NOL4L: variants seen among roughly 807,000 people sequenced by gnomAD.
The protein encoded by NOL4L is nucleolar protein 4-like.
In NOL4L, 7 loss-of-function variants were observed where a neutral mutation model predicts 64.5. The ratio of observed to expected loss-of-function variants is 0.11; its 90% confidence interval spans 0.06 to 0.20. NOL4L has a LOEUF of 0.20. Among genes scored for constraint, NOL4L ranks in the 10% least tolerant of loss-of-function variants. The probability of loss-of-function intolerance (pLI) is 1.00; values close to 1 mark genes in which losing one functional copy is unlikely to be tolerated. For missense variants in NOL4L, 680 were observed against 967.1 expected (o/e 0.70, Z 3.94); for synonymous variants, 413 against 401.0 (o/e 1.03, Z -0.36).
At chr20:32,489,060 T>C (rs2016345909) in intron 4 of NOL4L, among the ~76,000 whole-genome samples, 1 of 149,802 alleles carries the variant, frequency 6.7e-6, no homozygotes, top group South Asian at 2.1e-4. Context: ...TTTTGTTGTC[T>C]TTTTATTTAG....
intron 1 of NOL4L, among the ~76,000 whole-genome samples, chr20:32,543,956 C>A (rs2018697072): frequency 6.6e-6 from 1 of 152,122 alleles, no homozygotes; most frequent in Non-Finnish European, 1.5e-5. Context: ...AGGCCAACAG[C>A]CTGTGCAAAG....
chr20:32,535,961 C>A (rs1337308180), intron 1 of NOL4L: 1 of 985,564 alleles, frequency 1.0e-6, no homozygotes, highest in Non-Finnish European at 1.2e-6. Context: ...GGGAGAGGGT[C>A]CACAGGAGGG....
chr20:32,452,810 G>C lies in NOL4L; in HGVS notation c.1620+74C>G, dbSNP rs2013062245. ...GACTGTACCCATCACAGCTCCCTCA[G>C]TCCACACCCATATAAGGCCTGCCCT... On this transcript the variant is annotated intron_variant, in intron 9 of 10. Transcript: ENST00000621426. 3 of 1,592,850 alleles carry C rather than the reference G, an allele frequency of 1.9e-6. No individual in the cohort carries two copies. In the South Asian group the frequency reaches 3.4e-5, roughly 18 times the overall value.
chr20:32,566,471 G>A (rs7268588), intron 1 of NOL4L, among the ~76,000 whole-genome samples: 39,961 of 152,012 alleles, frequency 0.26, 6,662 homozygotes, highest in East Asian at 0.76. Flanking sequence ...AAATCATTTT[G>A]TTCTGAGGCT....
intron 1 of NOL4L, among the ~76,000 whole-genome samples, chr20:32,536,768 G>C (rs955776517): frequency 7.2e-6 from 1 of 139,686 alleles, no homozygotes; most frequent in Non-Finnish European, 1.6e-5. Flanking sequence ...GTGCAGGGGG[G>C]ACGGCTCCGC....
At chr20:32,554,091 CG>C (rs1331213530) in intron 1 of NOL4L, among the ~76,000 whole-genome samples, 2 of 152,040 alleles carry the variant, frequency 1.3e-5, no homozygotes, top group African/African-American at 4.8e-5. Flanking sequence ...GAGGCCAAGG[CG>C]GGCGGATCAC....
chr20:32,534,666 A>C (rs1463270448), intron 1 of NOL4L, among the ~76,000 whole-genome samples: 2 of 151,944 alleles, frequency 1.3e-5, no homozygotes, highest in African/African-American at 2.4e-5. Context: ...CAGCCTGGGC[A>C]ATACGGTGAC....
intron 4 of NOL4L, chr20:32,509,642 G>T: frequency 1.4e-6 from 1 of 698,442 alleles, no homozygotes; most frequent in Non-Finnish European, 2.0e-6. Context: ...CTGAATCCTC[G>T]TTAAAGCACC....
intron 1 of NOL4L, among the ~76,000 whole-genome samples, chr20:32,551,776 T>A (rs908565102): frequency 1.3e-5 from 2 of 152,022 alleles, no homozygotes; most frequent in African/African-American, 4.8e-5. Context: ...ATACTGAAAG[T>A]CACTTAACTG....
chr20:32,525,418 G>A (rs2018098284), intron 2 of NOL4L, among the ~76,000 whole-genome samples: 1 of 152,222 alleles, frequency 6.6e-6, no homozygotes, highest in Non-Finnish European at 1.5e-5. Context: ...TGGGGTGGGT[G>A]GCCTGGCTCT....
In NOL4L at chr20:32,523,963, CCTT is replaced by C. The variant is rs1437932119; in HGVS notation, c.478-3044_478-3042del. 2.6e-5 allele frequency among the ~76,000 whole-genome samples: 4 copies of C among 152,186 alleles called. No individual in the cohort carries two copies. In the East Asian group the frequency reaches 5.8e-4, roughly 22 times the overall value. ...GATTTGCACCACTTTACAAGATCCT[CCTT>C]CTGCCCTGAGGGTGGATTAGCACGT... is the stretch of plus-strand genomic sequence containing the variant. On this transcript the variant is annotated intron_variant, in intron 2 of 10. Transcript: ENST00000621426.
chr20:32,488,782 C>CCTTTCTTCCTTT (rs2016236493), intron 4 of NOL4L, among the ~76,000 whole-genome samples: 17 of 45,754 alleles, frequency 3.7e-4, no homozygotes, highest in African/African-American at 5.9e-4. Context: ...TTCCTTCCTT[C>CCTTTCTTCCTTT]CTTCCTTCCT....
rs2014412713 is a variant in NOL4L, at chr20:32,464,924, C to T, written c.842-8529G>A. On this transcript the variant is annotated intron_variant, in intron 5 of 10. Transcript: ENST00000621426. This position sits in a 1 kb window ranked among gnomAD's most constrained non-coding sequence, Gnocchi z 5.6. ...GCTGAGACGCAGCGTGTATTGCACA[C>T]CTGTCTGCACTAGCCTTTTCCAAGG... 1 of 478,338 alleles carries T rather than the reference C, an allele frequency of 2.1e-6. No homozygotes were observed. The highest frequency in any genetic ancestry group is 4.0e-5 in the Admixed American group (1 of 24,730). The allele number at this position is 478,338 out of a possible 1,614,324, so 29.6% of individuals were successfully genotyped here. A position where few individuals can be genotyped will look rare whatever the true frequency, so the allele number is the denominator to read the frequency against.
intron 5 of NOL4L, among the ~76,000 whole-genome samples, chr20:32,473,167 C>T (rs1229869667): frequency 6.6e-6 from 1 of 152,208 alleles, no homozygotes; most frequent in Non-Finnish European, 1.5e-5. Flanking sequence ...ATGGTCCCTT[C>T]AGCCCCACTG....
At chr20:32,474,358 G>A (rs564303792) in intron 5 of NOL4L, among the ~76,000 whole-genome samples, 3 of 152,232 alleles carry the variant, frequency 2.0e-5, no homozygotes, top group Non-Finnish European at 2.9e-5. Flanking sequence ...CCCCCGCCCC[G>A]CAGGCTGCCA....
intron 4 of NOL4L, among the ~76,000 whole-genome samples, chr20:32,478,516 C>T (rs1312346382): frequency 1.3e-5 from 2 of 152,182 alleles, no homozygotes; most frequent in Non-Finnish European, 2.9e-5. Context: ...TTCTCCCCAG[C>T]TCCCCAGGAA....
In NOL4L at chr20:32,460,097, G is replaced by A. The variant is rs2013908208; in HGVS notation, c.842-3702C>T. ...TCCACGGGCTGGGAATGGGCAGTTA[G>A]TACTTAAAGGGTGCAGAGTTTCTGT... On this transcript the variant is annotated intron_variant, in intron 5 of 10. Transcript: ENST00000621426. The surrounding 1 kb of genome is among the most constrained non-coding windows in gnomAD (Gnocchi z 5.7). Among the ~76,000 whole-genome samples the A allele has an allele frequency of 6.6e-6, 1 of 152,202 alleles. No individual in the cohort carries two copies. The highest frequency in any genetic ancestry group is 6.5e-5 in the Admixed American group (1 of 15,278).
chr20:32,512,755 C>T (rs1163683847), intron 3 of NOL4L, among the ~76,000 whole-genome samples: 1 of 151,910 alleles, frequency 6.6e-6, no homozygotes, highest in Non-Finnish European at 1.5e-5. Context: ...TCTTATTTTG[C>T]TTTGTAAGTA....
intron 2 of NOL4L, among the ~76,000 whole-genome samples, chr20:32,521,862 C>T (rs1056410763): frequency 3.3e-5 from 5 of 152,210 alleles, no homozygotes; most frequent in Non-Finnish European, 1.5e-5. Flanking sequence ...TTCCTGGAGC[C>T]TGGGTCCTCC....
Sources: gnomAD v4.1 joint callset for allele counts (sites outside exome capture counted in the v4.1 genomes callset) on GRCh38, gnomAD v4.1.1 for gene constraint, Gnocchi (gnomAD v3.1) non-coding constraint, MANE v1.5 for transcripts, NCBI Gene and HGNC (gene_info 2026-07-23, HGNC 2026-07-21) for gene names.